The following PLA2G4A variants were observed in gnomAD, a reference collection of about 807,000 sequenced individuals.
PLA2G4A encodes phospholipase A2 group IVA, also known as cytosolic phospholipase A2.
A neutral mutation model predicts 81.9 loss-of-function variants in PLA2G4A; 40 were observed. The observed-to-expected ratio is 0.49, with a 90% CI of 0.38 to 0.64. The LOEUF is 0.64. PLA2G4A is among the 30% of genes least tolerant of loss of function. The probability of loss-of-function intolerance (pLI) is 0.00; values close to 1 mark genes in which losing one functional copy is unlikely to be tolerated. For synonymous variants in PLA2G4A, 302 were observed against 296.9 expected (o/e 1.02, Z -0.18); for missense variants, 715 against 905.1 (o/e 0.79, Z 2.69).
chr1:186,988,159 C>T (rs561021816), intron 17 of PLA2G4A, among the ~76,000 whole-genome samples: 32 of 152,236 alleles, frequency 2.1e-4, no homozygotes, highest in African/African-American at 7.5e-4. Context: ...ATCCTTCTTT[C>T]CCTGGTGAGG....
intron 17 of PLA2G4A, among the ~76,000 whole-genome samples, chr1:186,982,684 C>CGTGTGT (rs944149124): frequency 2.9e-5 from 1 of 35,064 alleles, no homozygotes. Context: ...TGTGTGTGTG[C>CGTGTGT]GTGTGTGTGT....
intron 7 of PLA2G4A, among the ~76,000 whole-genome samples, chr1:186,919,300 G>A (rs1205910005): frequency 6.6e-6 from 1 of 152,184 alleles, no homozygotes; most frequent in African/African-American, 2.4e-5. Context: ...CTGGTTCCAG[G>A]TTCCGGTAGG....
intron 6 of PLA2G4A, among the ~76,000 whole-genome samples, chr1:186,908,208 T>C (rs1654810586): frequency 6.6e-6 from 1 of 151,992 alleles, no homozygotes; most frequent in Non-Finnish European, 1.5e-5. Context: ...TAAAAGTAAA[T>C]TAACCATAAT....
chr1:186,864,454 C>A (rs972294511), intron 2 of PLA2G4A, among the ~76,000 whole-genome samples: 4 of 151,998 alleles, frequency 2.6e-5, no homozygotes, highest in African/African-American at 7.2e-5. Context: ...TACATCTATG[C>A]CAGCATTTGT....
chr1:186,940,792 A>G (rs1451352901), intron 10 of PLA2G4A, among the ~76,000 whole-genome samples: 1 of 152,166 alleles, frequency 6.6e-6, no homozygotes, highest in Admixed American at 6.5e-5. Context: ...AGTTGATAGA[A>G]TTTGCTGAAC....
chr1:186,956,590 C>T (rs1242165752), intron 14 of PLA2G4A, among the ~76,000 whole-genome samples: 2 of 152,120 alleles, frequency 1.3e-5, no homozygotes, highest in African/African-American at 4.8e-5. Context: ...TCATGGCTCA[C>T]CGCATCCTTA....
Position 186,980,903 on chromosome 1 carries a change from A to C in PLA2G4A, c.2118+1431A>C, listed in dbSNP as rs1657699106. Among the ~76,000 whole-genome samples, 3 of 152,198 alleles carry C rather than the reference A, an allele frequency of 2.0e-5. No individual in the cohort carries two copies. The South Asian group carries it at 6.2e-4, about 32-fold the overall frequency. Reference sequence around the variant, plus strand: ...AAATGCTTATCAAAATATATAGCATATGTCATTTTCTCCATAGATTTGTTT... The same window carrying C: ...AAATGCTTATCAAAATATATAGCATCTGTCATTTTCTCCATAGATTTGTTT... On this transcript the variant is annotated intron_variant, in intron 17 of 17. Coordinates refer to ENST00000367466, the MANE Select transcript of PLA2G4A (RefSeq NM_024420.3).
At chr1:186,843,114 A>G (rs1652047442) in intron 1 of PLA2G4A, among the ~76,000 whole-genome samples, 1 of 152,202 alleles carries the variant, frequency 6.6e-6, no homozygotes, top group Non-Finnish European at 1.5e-5. Flanking sequence ...TTGTGTTGTC[A>G]GTTAAACAAA....
chr1:186,979,065 T>C (rs1657630118), intron 16 of PLA2G4A, among the ~76,000 whole-genome samples: 1 of 152,072 alleles, frequency 6.6e-6, no homozygotes, highest in Admixed American at 6.5e-5. Context: ...CTGCTGTGAG[T>C]GGGTCAAGCA....
At chr1:186,974,327 T>G (rs1183585497) in intron 15 of PLA2G4A, among the ~76,000 whole-genome samples, 1 of 152,096 alleles carries the variant, frequency 6.6e-6, no homozygotes, top group Non-Finnish European at 1.5e-5. Flanking sequence ...AAACCCCTTC[T>G]CTACTAAAAA....
At chr1:186,908,488 G>A (rs192227622) in intron 6 of PLA2G4A, among the ~76,000 whole-genome samples, 12 of 151,804 alleles carry the variant, frequency 7.9e-5, no homozygotes, top group Non-Finnish European at 1.6e-4. Flanking sequence ...GGTAAAATAA[G>A]AAAAGAATAC....
intron 14 of PLA2G4A, among the ~76,000 whole-genome samples, chr1:186,964,486 C>A (rs1341891951): frequency 6.6e-6 from 1 of 152,134 alleles, no homozygotes; most frequent in Non-Finnish European, 1.5e-5. Context: ...ACACACCCAG[C>A]CTGATTCTGC....
intron 3 of PLA2G4A, among the ~76,000 whole-genome samples, chr1:186,876,052 A>G (rs188807321): frequency 6.6e-6 from 1 of 152,104 alleles, no homozygotes; most frequent in South Asian, 2.1e-4. Flanking sequence ...GTTCTGCCTT[A>G]TGGCCTTGAG....
chr1:186,842,017 C>G (rs1250571410), intron 1 of PLA2G4A, among the ~76,000 whole-genome samples: 1 of 151,314 alleles, frequency 6.6e-6, no homozygotes, highest in Non-Finnish European at 1.5e-5. Context: ...TAATCTTCAC[C>G]ATCCTAGTTG....
intron 17 of PLA2G4A, among the ~76,000 whole-genome samples, chr1:186,985,263 T>C (rs1657856732): frequency 6.6e-6 from 1 of 152,196 alleles, no homozygotes; most frequent in African/African-American, 2.4e-5. Context: ...AACTGAATGC[T>C]GCCCTGTGTC....
intron 7 of PLA2G4A, among the ~76,000 whole-genome samples, chr1:186,919,419 A>T (rs1000813231): frequency 6.6e-6 from 1 of 152,102 alleles, no homozygotes. Context: ...CTTCTTGGAC[A>T]TCTTATACCT....
At chr1:186,957,238 T>A (rs1334718667) in intron 14 of PLA2G4A, among the ~76,000 whole-genome samples, 2 of 152,240 alleles carry the variant, frequency 1.3e-5, no homozygotes, top group East Asian at 3.8e-4. Flanking sequence ...ATTTGGAAAC[T>A]ATTTCCTATT....
intron 3 of PLA2G4A, among the ~76,000 whole-genome samples, chr1:186,880,868 A>G (rs1216830641): frequency 6.6e-6 from 1 of 152,034 alleles, no homozygotes; most frequent in East Asian, 1.9e-4. Context: ...CCAAGAAGAT[A>G]TCACAGAAGT....
At chr1:186,830,947 TTGCTTGCTTG>T (rs879597066) in intron 1 of PLA2G4A, among the ~76,000 whole-genome samples, 2,928 of 44,122 alleles carry the variant, frequency 0.066, 34 homozygotes, top group East Asian at 0.1. Flanking sequence ...GCTTGCTTGC[TTGCTTGCTTG>T]CTTTCTTTCT....
Sources: gnomAD v4.1 joint callset for allele counts (sites outside exome capture counted in the v4.1 genomes callset) on GRCh38, gnomAD v4.1.1 for gene constraint, MANE v1.5 for transcripts, NCBI Gene and HGNC (gene_info 2026-07-23, HGNC 2026-07-21) for gene names.